RYR3: variants seen among roughly 807,000 people sequenced by gnomAD.
RYR3 encodes brain ryanodine receptor-calcium release channel.
Under a neutral mutation model 584.3 loss-of-function variants are expected in RYR3, and 207 were observed. The observed-to-expected ratio is 0.35, with a 90% CI of 0.32 to 0.40. RYR3 has a LOEUF of 0.40. Among genes scored for constraint, RYR3 ranks in the 10% least tolerant of loss-of-function variants. RYR3 has a pLI of 1.00. For missense variants in RYR3, 5,616 were observed against 6,089.2 expected (o/e 0.92, Z 2.59); for synonymous variants, 2,416 against 2,248.5 (o/e 1.07, Z -2.11).
intron 36 of RYR3, among the ~76,000 whole-genome samples, chr15:33,664,601 ATATATATATATATACG>A (rs2063380089): frequency 7.8e-6 from 1 of 128,722 alleles, no homozygotes; most frequent in Admixed American, 7.5e-5. Flanking sequence ...ATATATATAT[ATATATATATATATACG>A]TATGTATACA....
At chr15:33,617,969 C>T (rs2060535284) in intron 19 of RYR3, among the ~76,000 whole-genome samples, 1 of 152,104 alleles carries the variant, frequency 6.6e-6, no homozygotes. Context: ...CCCAGTGTAA[C>T]AACCGTATTC....
intron 20 of RYR3, 76 bp from the exon 21 acceptor site, chr15:33,628,395 G>A: frequency 2.0e-6 from 2 of 1,000,712 alleles, no homozygotes; most frequent in Non-Finnish European, 3.1e-6. Flanking sequence ...CAATTCAAGT[G>A]GGGTGCCCAG....
intron 52 of RYR3, among the ~76,000 whole-genome samples, chr15:33,744,671 GA>G (rs1429743282): frequency 1.3e-5 from 2 of 152,202 alleles, no homozygotes; most frequent in Non-Finnish European, 2.9e-5. Context: ...TTGTCACAAG[GA>G]AGTAAGCGCG....
At chr15:33,571,246 G>A (rs2058012868) in intron 12 of RYR3, among the ~76,000 whole-genome samples, 1 of 152,202 alleles carries the variant, frequency 6.6e-6, no homozygotes, top group African/African-American at 2.4e-5. Context: ...TTATCAGGTC[G>A]AGGAAGTTCC....
At chr15:33,825,167 T>C (rs1004904376) in intron 81 of RYR3, among the ~76,000 whole-genome samples, 1 of 152,224 alleles carries the variant, frequency 6.6e-6, no homozygotes, top group Non-Finnish European at 1.5e-5. Flanking sequence ...CACAATTCCA[T>C]GTGATTCTCA....
intron 6 of RYR3, among the ~76,000 whole-genome samples, chr15:33,540,401 A>G (rs2055719554): frequency 6.6e-6 from 1 of 152,110 alleles, no homozygotes; most frequent in Admixed American, 6.6e-5. Flanking sequence ...GAAACGTCAG[A>G]GAAGCTTCTC....
chr15:33,748,245 G>T lies in RYR3; in HGVS notation c.8121G>T (p.Val2707=). 1 of 1,613,810 alleles carries T rather than the reference G, an allele frequency of 6.2e-7. No homozygotes were observed. Among genetic ancestry groups the T allele is most frequent in the Non-Finnish European group, 8.5e-7 (1 of 1,179,854 alleles). ...GGGAAAATGAGAAGCTTCGAAGTGT[G>T]TCCCAGGCCAACCAGGTATGACACC... is the stretch of plus-strand genomic sequence containing the variant. ...QQRENEKLRS[V]SQANQGNSYS... is the part of the protein sequence containing the mutation. The change falls in exon 54 of 104, where the codon GTG becomes GTT. Residue 2707 remains valine (V), a synonymous_variant. Coordinates refer to ENST00000634891, the MANE Select transcript of RYR3 (RefSeq NM_001036.6).
chr15:33,832,948 G>C (rs4780182), intron 86 of RYR3, among the ~76,000 whole-genome samples: 109,229 of 149,944 alleles, frequency 0.73, 40,182 homozygotes, highest in South Asian at 0.8. Context: ...GCAGAGGTTG[G>C]AGTGAGCTGA....
intron 102 of RYR3, among the ~76,000 whole-genome samples, chr15:33,861,585 T>A (rs1190884263): frequency 6.6e-6 from 1 of 152,150 alleles, no homozygotes; most frequent in Admixed American, 6.6e-5. Context: ...AAGCTGTCCA[T>A]GCTCAGTCAC....
At chr15:33,835,398 T>G (rs1567279226) in intron 87 of RYR3, among the ~76,000 whole-genome samples, 1 of 152,146 alleles carries the variant, frequency 6.6e-6, no homozygotes, top group African/African-American at 2.4e-5. Context: ...TTACAAACAC[T>G]CTACCAGCCC....
At chr15:33,589,724 T>C (rs1389852583) in intron 16 of RYR3, among the ~76,000 whole-genome samples, 3 of 152,240 alleles carry the variant, frequency 2.0e-5, no homozygotes, top group Non-Finnish European at 2.9e-5. Context: ...AGGGTGTCCT[T>C]TCCATGGTGT....
At chr15:33,574,894 G>A (rs2152503823) in intron 12 of RYR3, among the ~76,000 whole-genome samples, 1 of 152,186 alleles carries the variant, frequency 6.6e-6, no homozygotes, top group African/African-American at 2.4e-5. Flanking sequence ...CATCTCACAT[G>A]CAAAGACATG....
chr15:33,466,681 T>TC (rs2048512593), intron 1 of RYR3, among the ~76,000 whole-genome samples: 1 of 152,202 alleles, frequency 6.6e-6, no homozygotes, highest in Admixed American at 6.5e-5. Flanking sequence ...GTCTCATGGG[T>TC]CTATTGTAGA....
intron 43 of RYR3, among the ~76,000 whole-genome samples, chr15:33,711,631 G>A (rs186640040): frequency 6.6e-5 from 10 of 152,244 alleles, no homozygotes; most frequent in South Asian, 2.1e-4. Flanking sequence ...AACTTCCATC[G>A]ATCCCTAAGG....
At chr15:33,552,699 G>T (rs1051523246) in intron 10 of RYR3, among the ~76,000 whole-genome samples, 1 of 152,194 alleles carries the variant, frequency 6.6e-6, no homozygotes, top group South Asian at 2.1e-4. Flanking sequence ...GACGTTGTGT[G>T]GGCAGGGCTT....
intron 1 of RYR3, among the ~76,000 whole-genome samples, chr15:33,323,404 G>A (rs962459258): frequency 6.6e-6 from 1 of 152,020 alleles, no homozygotes. Flanking sequence ...CACCGCGCCC[G>A]GCCTTAATAC....
chr15:33,585,439 C>A (rs2058799522), intron 15 of RYR3, among the ~76,000 whole-genome samples: 1 of 152,088 alleles, frequency 6.6e-6, no homozygotes, highest in Non-Finnish European at 1.5e-5. Context: ...ACTTATATAA[C>A]CTATCCAGTG....
At chr15:33,359,593 C>CTTATTTATTTATTTAT (rs34142769) in intron 1 of RYR3, among the ~76,000 whole-genome samples, 6 of 144,824 alleles carry the variant, frequency 4.1e-5, no homozygotes, top group Non-Finnish European at 9.1e-5. Context: ...TCCCTGACCC[C>CTTATTTATTTATTTAT]TTATTTATTT....
intron 1 of RYR3, among the ~76,000 whole-genome samples, chr15:33,325,669 C>CTTTTCTTTTCT (rs1293569872): frequency 6.9e-6 from 1 of 144,336 alleles, no homozygotes. Flanking sequence ...TTTTCCTTTC[C>CTTTTCTTTTCT]TGCCGCTTTC....
Sources: gnomAD v4.1 joint callset for allele counts (sites outside exome capture counted in the v4.1 genomes callset) on GRCh38, gnomAD v4.1.1 for gene constraint, MANE v1.5 for transcripts, NCBI Gene and HGNC (gene_info 2026-07-23, HGNC 2026-07-21) for gene names.